MYH1: variants seen among roughly 807,000 people sequenced by gnomAD.
MYH1 encodes myosin-1.
Under a neutral mutation model 225.6 loss-of-function variants are expected in MYH1, and 214 were observed. The ratio of observed to expected loss-of-function variants is 0.95; its 90% CI spans 0.85 to 1.06. The LOEUF (loss-of-function observed/expected upper bound fraction) is 1.06, where lower values mean the gene tolerates loss of function less well. Among genes scored for constraint, MYH1 ranks in the 50% least tolerant of loss-of-function variants. The pLI is 0.00. For missense variants in MYH1, 2,098 were observed against 2,344.2 expected, an observed-to-expected ratio of 0.89 and a Z score of 2.17; for synonymous variants, 774 against 842.3, an observed-to-expected ratio of 0.92 and a Z score of 1.40.
In MYH1 at chr17:10,495,945, T is replaced by C. The variant is rs2072987760; in HGVS notation, c.5169+5A>G. 3.1e-6 allele frequency: 5 copies of C among 1,613,982 alleles called. No individual in the cohort carries two copies. The African/African-American group carries it at 5.3e-5, about 17-fold the overall frequency. On this transcript the variant is annotated splice_donor_5th_base_variant and intron_variant, in intron 35 of 39. Coordinates refer to ENST00000226207, the MANE Select transcript of MYH1 (RefSeq NM_005963.4). ...TATTTGTTGCTATTCTATTATTACA[T>C]GCACCTGGGTGTGCAGGAGCTGAAC...
chr17:10,508,632 A>T lies in MYH1; in HGVS notation c.1628T>A (p.Phe543Tyr). ...IFSILEEECM[F>Y]PKATDTSFKN... Reference sequence around the variant, plus strand: ...GAAGGAGGTGTCTGTCGCCTTGGGGAACATGCACTCCTCTTCCAGGATGGA... The same window carrying T: ...GAAGGAGGTGTCTGTCGCCTTGGGGTACATGCACTCCTCTTCCAGGATGGA... The change falls in exon 16 of 40, where the codon TTC becomes TAC. Residue 543 changes from phenylalanine (F) to tyrosine (Y), a missense_variant. Transcript: ENST00000226207. 6.2e-7 allele frequency: 1 copy of T among 1,614,156 alleles called. No homozygotes were observed. The highest frequency in any genetic ancestry group is 8.5e-7 in the Non-Finnish European group (1 of 1,180,020).
At chr17:10,506,158 A>G (rs2073110795) in intron 17 of MYH1, 59 bp from the exon 18 acceptor site, 1 of 1,592,574 alleles carries the variant, frequency 6.3e-7, no homozygotes, top group South Asian at 1.1e-5. Context: ...ATTCATATTT[A>G]TAGACATAAT....
intron 5 of MYH1, among the ~76,000 whole-genome samples, chr17:10,515,253 A>G (rs1484413069): frequency 6.6e-6 from 1 of 152,210 alleles, no homozygotes; most frequent in African/African-American, 2.4e-5. Flanking sequence ...GACTTCACAA[A>G]GAGAAAAAAT....
At chr17:10,513,145 G>C (rs9893407) in intron 9 of MYH1, among the ~76,000 whole-genome samples, 180 bp from the exon 10 acceptor site, 10 of 152,118 alleles carry the variant, frequency 6.6e-5, no homozygotes, top group Non-Finnish European at 1.3e-4. Flanking sequence ...CTGCCTCCTG[G>C]GAAAAAAGTG....
chr17:10,496,177 A>T, intron 34 of MYH1, 24 bp from the exon 35 acceptor site: 1 of 1,614,172 alleles, frequency 6.2e-7, no homozygotes, highest in Non-Finnish European at 8.5e-7. Context: ...CGTCATTGAG[A>T]CACCATGTAT....
intron 22 of MYH1, 76 bp from the exon 23 acceptor site, chr17:10,503,324 C>A: frequency 6.4e-7 from 1 of 1,560,690 alleles, no homozygotes; most frequent in Non-Finnish European, 8.7e-7. Flanking sequence ...TATTTTGAAA[C>A]CAAACAAGTA....
Position 10,509,481 on chromosome 17 carries a change from C to T in MYH1, c.1587+4G>A, listed in dbSNP as rs144082462. Reference sequence around the variant, plus strand: ...GATCTGTGGTCTGCAAAAAGCAAGCCAACCTTCTCGATGAGCTCGATGCAG... The same window carrying T: ...GATCTGTGGTCTGCAAAAAGCAAGCTAACCTTCTCGATGAGCTCGATGCAG... On this transcript the variant is annotated splice_donor_region_variant and intron_variant, in intron 15 of 39. Transcript: ENST00000226207. 21 of 1,614,074 alleles carry T rather than the reference C, an allele frequency of 1.3e-5. No individual in the cohort carries two copies. The African/African-American group carries it at 2.0e-4, about 15-fold the overall frequency.
At chr17:10,500,330 G>A (rs2073038043) in intron 28 of MYH1, among the ~76,000 whole-genome samples, 1 of 151,118 alleles carries the variant, frequency 6.6e-6, no homozygotes, top group South Asian at 2.1e-4. Flanking sequence ...AAAAATAGAA[G>A]GGCCTGATTC....
In MYH1 at chr17:10,498,631, C is replaced by T; in HGVS notation, c.4176G>A (p.Glu1392=). Residue 1392 remains glutamate (E), a synonymous_variant, in exon 30 of 40, where the codon GAG becomes GAA. Transcript: ENST00000226207. ...DAIQRTEELE[E]AKKKLAQRLQ... ...TAACTAAGTCTGGAACATACTTGGC[C>T]TCCTCCAGCTCCTCTGTGCGCTGGA... 6.2e-7 allele frequency: 1 copy of T among 1,613,976 alleles called. No homozygotes were observed. The highest frequency in any genetic ancestry group is 8.5e-7 in the Non-Finnish European group (1 of 1,179,870).
chr17:10,505,492 T>C lies in MYH1; in HGVS notation c.2194A>G (p.Ser732Gly), dbSNP rs1175917365. 3.7e-6 allele frequency: 6 copies of C among 1,614,220 alleles called. No individual in the cohort carries two copies. Among genetic ancestry groups the C allele is most frequent in the Non-Finnish European group, 5.1e-6 (6 of 1,180,028 alleles). The change falls in exon 20 of 40, where the codon AGT becomes GGT. Residue 732 changes from serine to glycine, a missense_variant. Physicochemically the swap from Ser to Gly is moderately conservative, Grantham distance 56. Coordinates refer to ENST00000226207, the MANE Select transcript of MYH1 (RefSeq NM_005963.4). ...FKQRYKVLNA[S>G]AIPEGQFIDS... The stretch of plus-strand genomic sequence containing the variant: ...ATGAATTGTCCTTCAGGGATAGCAC[T>C]TGCATTTAACACCTTGTATCTGTTT...
Position 10,502,742 on chromosome 17 carries a change from T to C in MYH1, c.3107A>G (p.Asp1036Gly). 1 of 1,614,170 alleles carries C rather than the reference T, an allele frequency of 6.2e-7. No homozygotes were observed. The highest frequency in any genetic ancestry group is 8.5e-7 in the Non-Finnish European group (1 of 1,180,030). ...TTTATATAATGTTAGGCTTACATCA[T>C]CCACTTGTTGTTCAAGTTTGATTTT... ...KAKIKLEQQV[D>G]DLEGSLEQEK... is the part of the protein sequence containing the mutation. Residue 1036 changes from aspartate (D) to glycine (G), a missense_variant, in exon 24 of 40, where the codon GAT (aspartate) becomes GGT (glycine). By Grantham distance (94) the Asp-to-Gly change is moderately conservative (BLOSUM62 -1). Coordinates refer to ENST00000226207, the MANE Select transcript of MYH1 (RefSeq NM_005963.4).
At position 10,501,771 on chromosome 17, in the gene MYH1, A is replaced by C. The variant is rs2073060742; in HGVS notation, c.3252T>G (p.Leu1084=). 1 of 1,613,656 alleles carries C rather than the reference A, an allele frequency of 6.2e-7. No homozygotes were observed. The highest frequency in any genetic ancestry group is 1.3e-5 in the African/African-American group (1 of 74,854). The change falls in exon 25 of 40, where the codon CTT becomes CTG. Residue 1084 remains leucine, a synonymous_variant. Transcript: ENST00000226207. ...GTTGACCTAAAACTGCTTACTTTTT[A>C]AGCTTTTCATCAAGTTGTTGTTTGT... ...ENDKQQLDEK[L]KKKEFEMSGL... is the part of the protein sequence containing the mutation.
intron 19 of MYH1, 103 bp downstream of exon 19, chr17:10,505,709 C>T: frequency 6.7e-7 from 1 of 1,495,964 alleles, no homozygotes; most frequent in South Asian, 1.2e-5. Flanking sequence ...GTGAGTTTAT[C>T]TTCTCTTCAA....
chr17:10,498,172 C>T (rs1016206296), intron 30 of MYH1, among the ~76,000 whole-genome samples: 1 of 152,230 alleles, frequency 6.6e-6, no homozygotes, highest in Admixed American at 6.5e-5. Flanking sequence ...TAACACTTTA[C>T]CCTTCCAGGT....
intron 31 of MYH1, 84 bp from the exon 32 acceptor site, chr17:10,497,536 G>T: frequency 6.6e-7 from 1 of 1,523,126 alleles, no homozygotes; most frequent in Non-Finnish European, 8.7e-7. Context: ...TCTCAGAGTT[G>T]AGGTGTTCTG....
intron 2 of MYH1, among the ~76,000 whole-genome samples, chr17:10,517,258 G>A (rs1041895095): frequency 2.0e-5 from 3 of 152,154 alleles, no homozygotes; most frequent in African/African-American, 2.4e-5. Flanking sequence ...TGGGAGTTAC[G>A]AAGACTTCCT....
rs1567722149 is a variant in MYH1, at chr17:10,512,358, A to AT, written c.1147+49dup. On this transcript the variant is annotated intron_variant, in intron 12 of 39. Transcript: ENST00000226207. ...AGAAGACTTGAATTTTGGAATGGAC[A>AT]TTTTTGCCTATATTCTCTCATTAAA... 3 of 1,613,868 alleles carry AT rather than the reference A, an allele frequency of 1.9e-6. No homozygotes were observed. The Admixed American group carries it at 5.0e-5, about 27-fold the overall frequency.
At chr17:10,513,093 G>C in intron 9 of MYH1, 128 bp from the exon 10 acceptor site, 1 of 659,288 alleles carries the variant, frequency 1.5e-6, no homozygotes, top group Non-Finnish European at 2.7e-6. Flanking sequence ...TTCCTGTGAA[G>C]TACCACATAT....
Position 10,501,289 on chromosome 17 carries a change from G to A in MYH1, c.3559C>T (p.Leu1187=). ...GTGGCCGCCGTGGCTTCATGCTGTA[G>A]GGTGGCCTCCTCCAGGTCCCTGCGC... ...KMRRDLEEAT[L]QHEATAATLR... Residue 1187 remains leucine (L), a synonymous_variant, in exon 27 of 40, where the codon CTA becomes TTA. Coordinates refer to ENST00000226207, the MANE Select transcript of MYH1 (RefSeq NM_005963.4). 10 of 1,614,164 alleles carry A rather than the reference G, an allele frequency of 6.2e-6. No homozygotes were observed. The highest frequency in any genetic ancestry group is 8.5e-6 in the Non-Finnish European group (10 of 1,180,022).
Sources: allele counts gnomAD v4.1 joint callset (sites outside exome capture counted in the v4.1 genomes callset), GRCh38; gene constraint gnomAD v4.1.1; transcripts MANE v1.5; gene names NCBI Gene and HGNC (gene_info 2026-07-23, HGNC 2026-07-21).